Variants in PHLDB2 observed in about 807,000 individuals in gnomAD.
PHLDB2 encodes the protein pleckstrin homology like domain family B member 2, also known as pleckstrin homology-like domain family B member 2.
A neutral mutation model predicts 123.6 loss-of-function variants in PHLDB2; 71 were observed. The observed-to-expected ratio is 0.57, with a 90% CI of 0.47 to 0.70. PHLDB2 has a LOEUF of 0.70. Among genes scored for constraint, PHLDB2 ranks in the 30% least tolerant of loss-of-function variants. PHLDB2 has a pLI of 0.00. For missense variants in PHLDB2, 1,446 were observed against 1,519.5 expected, an observed-to-expected ratio of 0.95 and a Z score of 0.80; for synonymous variants, 547 against 541.6, an observed-to-expected ratio of 1.01 and a Z score of -0.14.
chr3:111,780,399 A>AGAAGAAGAAGAAGAAGAGGAAGAAG, intron 1 of PHLDB2, among the ~76,000 whole-genome samples: 1 of 74,452 alleles, frequency 1.3e-5, no homozygotes, highest in South Asian at 5.0e-4. Flanking sequence ...AAGAAGAAGA[A>AGAAGAAGAAGAAGAAGAGGAAGAAG]GAAGAAGAAG....
chr3:111,748,475 G>A (rs2059716585), intron 1 of PHLDB2, among the ~76,000 whole-genome samples: 1 of 152,138 alleles, frequency 6.6e-6, no homozygotes, highest in Non-Finnish European at 1.5e-5. Context: ...GACCCTGTGA[G>A]GCTCTACCAG....
At chr3:111,969,056 C>T (rs1399729764) in intron 15 of PHLDB2, among the ~76,000 whole-genome samples, 1 of 152,296 alleles carries the variant, frequency 6.6e-6, no homozygotes, top group South Asian at 2.1e-4. Flanking sequence ...TAAAAGACAT[C>T]TAAATACATC....
chr3:111,752,624 T>C (rs548000813), intron 1 of PHLDB2, among the ~76,000 whole-genome samples: 14 of 150,904 alleles, frequency 9.3e-5, no homozygotes, highest in African/African-American at 3.4e-4. Flanking sequence ...AACAAAAAAA[T>C]TTCTTTTTTA....
intron 1 of PHLDB2, among the ~76,000 whole-genome samples, chr3:111,758,378 A>G (rs1312889929): frequency 6.6e-6 from 1 of 152,186 alleles, no homozygotes; most frequent in Non-Finnish European, 1.5e-5. Context: ...AGCAATCAGC[A>G]AGACTCTGTG....
At chr3:111,751,165 T>TGG (rs925332404) in intron 1 of PHLDB2, among the ~76,000 whole-genome samples, 25 of 121,022 alleles carry the variant, frequency 2.1e-4, no homozygotes, top group African/African-American at 6.4e-4. Context: ...AAGGAGACAA[T>TGG]GGGGTGTGTG....
chr3:111,840,790 T>C (rs2063653641), intron 1 of PHLDB2, among the ~76,000 whole-genome samples: 1 of 152,214 alleles, frequency 6.6e-6, no homozygotes, highest in Non-Finnish European at 1.5e-5. Context: ...AAGATGTCTA[T>C]ACAGACTTCA....
At chr3:111,745,928 G>C (rs1049296698) in intron 1 of PHLDB2, among the ~76,000 whole-genome samples, 3 of 152,166 alleles carry the variant, frequency 2.0e-5, no homozygotes, top group Non-Finnish European at 4.4e-5. Flanking sequence ...TCTGTCACCT[G>C]AGTACCTCCA....
At chr3:111,780,402 A>AGAAGAAG (rs2060414882) in intron 1 of PHLDB2, among the ~76,000 whole-genome samples, 5 of 145,920 alleles carry the variant, frequency 3.4e-5, no homozygotes, top group South Asian at 2.2e-4. Flanking sequence ...AAGAAGAAGA[A>AGAAGAAG]GAAGAAGAAA....
chr3:111,974,384 A>G (rs1426508180), intron 17 of PHLDB2, 39 bp from the exon 18 acceptor site: 2 of 1,524,754 alleles, frequency 1.3e-6, no homozygotes, highest in Admixed American at 1.9e-5. Flanking sequence ...GTATTTTAAG[A>G]TGTTTATTTT....
At position 111,766,257 on chromosome 3, in the gene PHLDB2, A is replaced by G. The variant is rs1257792323; in HGVS notation, c.-49+33554A>G. Among the ~76,000 whole-genome samples the G allele has an allele frequency of 3.4e-4, 52 of 151,360 alleles. 1 individual carries two copies. In the Admixed American group the frequency reaches 3.4e-3, roughly 10 times the overall value. On this transcript the variant is annotated intron_variant, in intron 1 of 17. Transcript: ENST00000393923. ...GGAGTTCAAGACTAGCCTGGGCAACATGGTAAAACTCCGTCTCTACAACAA... is the reference window on the plus strand; with the variant it reads ...GGAGTTCAAGACTAGCCTGGGCAACGTGGTAAAACTCCGTCTCTACAACAA...
chr3:111,948,578 A>G (rs911188189), intron 9 of PHLDB2, among the ~76,000 whole-genome samples: 2 of 152,172 alleles, frequency 1.3e-5, no homozygotes, highest in African/African-American at 4.8e-5. Context: ...GTACTATTAC[A>G]TCTTGGTGTG....
At chr3:111,870,265 G>C (rs1004531428) in intron 1 of PHLDB2, among the ~76,000 whole-genome samples, 8 of 152,116 alleles carry the variant, frequency 5.3e-5, no homozygotes, top group African/African-American at 9.7e-5. Context: ...TGCTTAGAGG[G>C]GGGTGTTTGC....
intron 1 of PHLDB2, among the ~76,000 whole-genome samples, chr3:111,830,634 C>T (rs1352649483): frequency 6.7e-6 from 1 of 148,848 alleles, no homozygotes; most frequent in Non-Finnish European, 1.5e-5. Flanking sequence ...ACGGTGAAAC[C>T]CCGTCTCTAC....
exon 1 of PHLDB2, chr3:111,732,646 C>T (rs1343124083): frequency 6.5e-7 from 1 of 1,535,858 alleles, no homozygotes; most frequent in Non-Finnish European, 8.7e-7. Flanking sequence ...ATGGGCCATC[C>T]CTGCTGAGTC....
chr3:111,919,882 C>T (rs772464665), intron 4 of PHLDB2, among the ~76,000 whole-genome samples: 7 of 152,126 alleles, frequency 4.6e-5, no homozygotes, highest in African/African-American at 7.2e-5. Context: ...GCTAGCATTG[C>T]GAGGAATGCA....
intron 1 of PHLDB2, among the ~76,000 whole-genome samples, chr3:111,827,505 C>G (rs1304595038): frequency 1.3e-5 from 2 of 152,058 alleles, no homozygotes; most frequent in Non-Finnish European, 2.9e-5. Flanking sequence ...GAAACCCCAT[C>G]TCTACTAAAA....
In PHLDB2 at chr3:111,884,237, G is replaced by A. The variant is rs377089324; in HGVS notation, c.160G>A (p.Asp54Asn). 1.2e-5 allele frequency: 20 copies of A among 1,614,058 alleles called. No individual in the cohort carries two copies. The highest frequency in any genetic ancestry group is 1.2e-5 in the Non-Finnish European group (14 of 1,180,020). The change falls in exon 2 of 18, where the codon GAC becomes AAC. Residue 54 changes from aspartate to asparagine, a missense_variant. Coordinates refer to ENST00000431670, the MANE Select transcript of PHLDB2 (RefSeq NM_001134438.2). Reference protein sequence around the residue: ...SSSLRFKANGDYSGSYLTLSQ... With the variant: ...SSSLRFKANGNYSGSYLTLSQ... ...CAGTCTGAGATTTAAAGCCAATGGA[G>A]ACTATTCTGGCTCCTATTTAACCCT...
At chr3:111,940,749 C>T in intron 8 of PHLDB2, 104 bp downstream of exon 8, 1 of 505,748 alleles carries the variant, frequency 2.0e-6, no homozygotes, top group Admixed American at 4.1e-5. Flanking sequence ...AATGTCTATA[C>T]AATTTAAGGA....
chr3:111,934,822 T>A (rs2069368124), intron 6 of PHLDB2, among the ~76,000 whole-genome samples: 1 of 152,176 alleles, frequency 6.6e-6, no homozygotes, highest in South Asian at 2.1e-4. Context: ...AATAATCTCA[T>A]CCTACCTTCT....
Sources: gnomAD v4.1 joint callset for allele counts (sites outside exome capture counted in the v4.1 genomes callset) on GRCh38, gnomAD v4.1.1 for gene constraint, MANE v1.5 for transcripts, NCBI Gene and HGNC (gene_info 2026-07-23, HGNC 2026-07-21) for gene names.